The following STON1 variants were observed in gnomAD, a reference collection of about 807,000 sequenced individuals.
The protein encoded by STON1 is stonin-1.
Under a neutral mutation model 60.9 loss-of-function variants are expected in STON1, and 79 were observed. That is an observed-to-expected ratio of 1.30 (90% confidence interval 1.08 to 1.56). The LOEUF is 1.56. Ranked by LOEUF, STON1 falls within the 40% of genes most tolerant of loss-of-function variation. The probability of loss-of-function intolerance (pLI) is 0.00; values close to 1 mark genes in which losing one functional copy is unlikely to be tolerated. For synonymous variants in STON1, 363 were observed against 306.9 expected (o/e 1.18, Z -1.91); for missense variants, 1,166 against 858.9 (o/e 1.36, Z -4.47).
intron 1 of STON1, among the ~76,000 whole-genome samples, chr2:48,532,154 C>G (rs1308607161): frequency 6.6e-6 from 1 of 151,916 alleles, no homozygotes; most frequent in Non-Finnish European, 1.5e-5. Flanking sequence ...TCGAGACCAG[C>G]CTGGCCAACC....
intron 2 of STON1, 139 bp from the exon 3 acceptor site, chr2:48,591,514 T>A (rs1674510309): frequency 8.5e-7 from 1 of 1,176,398 alleles, no homozygotes. Context: ...TTTCATGGTA[T>A]GTTGTTTAAA....
intron 1 of STON1, among the ~76,000 whole-genome samples, chr2:48,534,777 G>A (rs1671356612): frequency 6.6e-6 from 1 of 152,170 alleles, no homozygotes; most frequent in Non-Finnish European, 1.5e-5. Context: ...GCGAGACCCT[G>A]TCTCCTAAGA....
At chr2:48,576,042 G>A (rs1673475630) in intron 1 of STON1, among the ~76,000 whole-genome samples, 1 of 151,880 alleles carries the variant, frequency 6.6e-6, no homozygotes, top group Admixed American at 6.6e-5. Context: ...AGAGGTGTGA[G>A]CCACCGCACC....
intron 1 of STON1, among the ~76,000 whole-genome samples, chr2:48,574,868 G>T (rs1673392001): frequency 6.6e-6 from 1 of 152,198 alleles, no homozygotes; most frequent in Non-Finnish European, 1.5e-5. Context: ...TGTGGTAAAT[G>T]AAACTACACA....
chr2:48,585,997 G>T (rs879468708), intron 2 of STON1, among the ~76,000 whole-genome samples: 3 of 152,262 alleles, frequency 2.0e-5, no homozygotes, highest in Non-Finnish European at 2.9e-5. Context: ...CAAGAGCACA[G>T]GCTCCCTTTG....
Position 48,595,335 on chromosome 2 carries a change from G to T in STON1, c.*33G>T. ...AAGAGTTTATGATGACAGCCCACTTGTCAAATATGTAATTCACCGAAACCA... is the reference window on the plus strand; with the variant it reads ...AAGAGTTTATGATGACAGCCCACTTTTCAAATATGTAATTCACCGAAACCA... On this transcript the variant is annotated 3_prime_UTR_variant, in exon 4 of 4. Coordinates refer to ENST00000404752, the MANE Select transcript of STON1 (RefSeq NM_006873.4). 6.4e-7 allele frequency: 1 copy of T among 1,572,436 alleles called. No individual in the cohort carries two copies.
At chr2:48,565,045 CTTT>C (rs35791710) in intron 1 of STON1, among the ~76,000 whole-genome samples, 2,274 of 86,446 alleles carry the variant, frequency 0.026, 25 homozygotes, top group Non-Finnish European at 0.037. Context: ...CCGGCTTCTT[CTTT>C]TTTTTTTTTT....
At chr2:48,594,166 C>T (rs1319858377) in intron 3 of STON1, among the ~76,000 whole-genome samples, 3 of 152,148 alleles carry the variant, frequency 2.0e-5, no homozygotes, top group Admixed American at 6.6e-5. Flanking sequence ...CGGCACTCTC[C>T]AGTAAACTTT....
At chr2:48,568,577 AC>A (rs1673048036) in intron 1 of STON1, among the ~76,000 whole-genome samples, 1 of 152,172 alleles carries the variant, frequency 6.6e-6, no homozygotes, top group Admixed American at 6.5e-5. Context: ...TGGAATCGCC[AC>A]TAAAAGAGAG....
At chr2:48,577,948 A>G (rs114730134) in intron 1 of STON1, among the ~76,000 whole-genome samples, 7,323 of 150,898 alleles carry the variant, frequency 0.049, 193 homozygotes, top group African/African-American at 0.063. Flanking sequence ...AACCCCCCAG[A>G]GTTTTATAGT....
chr2:48,550,285 G>A (rs1558582868), intron 1 of STON1, among the ~76,000 whole-genome samples: 1 of 152,018 alleles, frequency 6.6e-6, no homozygotes, highest in Non-Finnish European at 1.5e-5. Context: ...ATCACCTGAG[G>A]TCAGGAGTTT....
Position 48,581,036 on chromosome 2 carries a change from T to G in STON1, c.403T>G (p.Leu135Val). The change falls in exon 2 of 4, where the codon TTG (leucine) becomes GTG (valine). Residue 135 changes from leucine to valine, a missense_variant. Transcript: ENST00000404752. Reference sequence around the variant, plus strand: ...CAGACCAACATGTTTATCCCATGCCTTGTTACCCAGTGACCACTCATGTAC... The same window carrying G: ...CAGACCAACATGTTTATCCCATGCCGTGTTACCCAGTGACCACTCATGTAC... ...PTRPTCLSHA[L>V]LPSDHSCTHP... 1 of 1,577,064 alleles carries G rather than the reference T, an allele frequency of 6.3e-7. No homozygotes were observed. Among genetic ancestry groups the G allele is most frequent in the South Asian group, 1.2e-5 (1 of 83,052 alleles).
chr2:48,595,460 C>T lies in STON1; in HGVS notation c.*158C>T, dbSNP rs1674748290. 2 of 603,170 alleles carry T rather than the reference C, an allele frequency of 3.3e-6. No individual in the cohort carries two copies. Among genetic ancestry groups the T allele is most frequent in the South Asian group, 2.3e-5 (1 of 43,718 alleles). The allele number at this position is 603,170 out of a possible 1,614,324, so 37.4% of individuals were successfully genotyped here. ...AGAGAAGTTTAGACCTAAAACCGAACAATCTGTATTTTTTGCTTTTCATGT... is the reference window on the plus strand; with the variant it reads ...AGAGAAGTTTAGACCTAAAACCGAATAATCTGTATTTTTTGCTTTTCATGT... On this transcript the variant is annotated 3_prime_UTR_variant, in exon 4 of 4. Transcript: ENST00000404752.
chr2:48,557,190 C>T (rs1378171059), intron 1 of STON1, among the ~76,000 whole-genome samples: 2 of 79,562 alleles, frequency 2.5e-5, no homozygotes, highest in African/African-American at 4.9e-5. Flanking sequence ...GGGCAGCTGC[C>T]GGGCGGAGGG....
chr2:48,562,410 A>G (rs1672650621), intron 1 of STON1, among the ~76,000 whole-genome samples: 1 of 152,184 alleles, frequency 6.6e-6, no homozygotes, highest in South Asian at 2.1e-4. Flanking sequence ...CTAGGCTTGT[A>G]GCAATGGCGA....
chr2:48,557,011 C>T lies in STON1; in HGVS notation c.-47-23576C>T, dbSNP rs1373415654. ...CTCCCTCCTGGACGGCACGGCTGCC[C>T]GGGCGGGGGGGCTGACCCCCCACCT... On this transcript the variant is annotated intron_variant, in intron 1 of 3. Coordinates refer to ENST00000404752, the MANE Select transcript of STON1 (RefSeq NM_006873.4). Among the ~76,000 whole-genome samples the T allele has an allele frequency of 9.1e-5, 8 of 87,652 alleles. 1 individual carries two copies. The highest frequency in any genetic ancestry group is 2.7e-4 in the African/African-American group (6 of 22,152). The allele number at this position is 87,652 out of a possible 152,430, so 57.5% of individuals were successfully genotyped here. A position where few individuals can be genotyped will look rare whatever the true frequency, so the allele number is the denominator to read the frequency against.
chr2:48,574,312 G>A (rs995739083), intron 1 of STON1, among the ~76,000 whole-genome samples: 3 of 151,750 alleles, frequency 2.0e-5, no homozygotes, highest in Non-Finnish European at 4.4e-5. Context: ...GGAGGCAAAG[G>A]TTGCAGTGAG....
intron 1 of STON1, among the ~76,000 whole-genome samples, chr2:48,539,046 T>C (rs1312078712): frequency 1.3e-5 from 2 of 152,040 alleles, no homozygotes; most frequent in Non-Finnish European, 2.9e-5. Flanking sequence ...GCCTCCCTAG[T>C]AGCTGAGACT....
intron 1 of STON1, chr2:48,531,128 G>T (rs1671193870): frequency 6.6e-6 from 1 of 152,186 alleles, no homozygotes; most frequent in African/African-American, 2.4e-5. Context: ...TTTCCTGGGA[G>T]ATAGAAGTTC....
Sources: gnomAD v4.1 joint callset for allele counts (sites outside exome capture counted in the v4.1 genomes callset) on GRCh38, gnomAD v4.1.1 for gene constraint, MANE v1.5 for transcripts, NCBI Gene and HGNC (gene_info 2026-07-23, HGNC 2026-07-21) for gene names.